Variants in LRP1B observed in about 807,000 individuals in gnomAD.
LRP1B encodes the protein low-density lipoprotein receptor-related protein 1B.
In LRP1B, 217 loss-of-function variants were observed where a neutral mutation model predicts 556.6. That is an observed-to-expected ratio of 0.39 (90% CI 0.35 to 0.44). The LOEUF (loss-of-function observed/expected upper bound fraction) is 0.44. Among genes scored for constraint, LRP1B ranks in the 20% least tolerant of loss-of-function variants. The probability of loss-of-function intolerance (pLI) is 1.00; values close to 1 mark genes in which losing one functional copy is unlikely to be tolerated. For synonymous variants in LRP1B, 2,047 were observed against 1,865.8 expected (o/e 1.10, Z -2.50); for missense variants, 5,053 against 5,620.8 (o/e 0.90, Z 3.23).
chr2:140,424,883 A>G (rs1685591592), intron 66 of LRP1B, among the ~76,000 whole-genome samples: 1 of 152,222 alleles, frequency 6.6e-6, no homozygotes, highest in African/African-American at 2.4e-5. Flanking sequence ...CACTTAACTA[A>G]TCTCCATTTT....
At position 140,364,755 on chromosome 2, in the gene LRP1B, G is replaced by A. The variant is rs747930780; in HGVS notation, c.11037C>T (p.Phe3679=). Residue 3679 remains phenylalanine, a synonymous_variant, in exon 72 of 91, where the codon TTC becomes TTT. Coordinates refer to ENST00000389484, the MANE Select transcript of LRP1B (RefSeq NM_018557.3). ...RGGNICRADE[F]LCNNSLCKLH... is the part of the protein sequence containing the mutation. ...GTTTGCAGAGAGAATTATTGCAAAG[G>A]AACTCATCAGCTCTACATATATTTC... is the stretch of plus-strand genomic sequence containing the variant. 1 of 1,609,820 alleles carries A rather than the reference G, an allele frequency of 6.2e-7. No homozygotes were observed. Among genetic ancestry groups the A allele is most frequent in the South Asian group, 1.1e-5 (1 of 90,920 alleles).
intron 52 of LRP1B, among the ~76,000 whole-genome samples, chr2:140,507,942 A>T (rs78016163): frequency 6.6e-6 from 1 of 152,158 alleles, no homozygotes; most frequent in African/African-American, 2.4e-5. Flanking sequence ...TACATTTCTT[A>T]TAAGGGCTAG....
chr2:141,305,804 C>A (rs1686566948), intron 3 of LRP1B, among the ~76,000 whole-genome samples: 1 of 152,092 alleles, frequency 6.6e-6, no homozygotes, highest in Non-Finnish European at 1.5e-5. Context: ...ATGAAGAAAT[C>A]TTGAATTTTA....
chr2:141,060,956 A>C (rs1356556473), intron 8 of LRP1B, among the ~76,000 whole-genome samples: 1 of 151,832 alleles, frequency 6.6e-6, no homozygotes, highest in Non-Finnish European at 1.5e-5. Context: ...AGGCTTTCAA[A>C]ACTTTTTAAA....
chr2:140,996,827 C>A (rs111786220), intron 15 of LRP1B, among the ~76,000 whole-genome samples: 7 of 151,846 alleles, frequency 4.6e-5, no homozygotes, highest in African/African-American at 1.7e-4. Flanking sequence ...GTAGACAGAA[C>A]GAAGAGAGTC....
At chr2:141,210,682 A>G (rs1390776063) in intron 6 of LRP1B, among the ~76,000 whole-genome samples, 1 of 152,178 alleles carries the variant, frequency 6.6e-6, no homozygotes, top group Admixed American at 6.5e-5. Context: ...ACAAGCAAAC[A>G]TAAGATTCCA....
At chr2:140,954,549 G>C (rs1485463002) in intron 18 of LRP1B, among the ~76,000 whole-genome samples, 1 of 151,802 alleles carries the variant, frequency 6.6e-6, no homozygotes, top group Non-Finnish European at 1.5e-5. Context: ...TTCATCGGTT[G>C]GGAAATTTTC....
intron 42 of LRP1B, 142 bp downstream of exon 42, chr2:140,601,307 TA>T (rs34284556): frequency 0.46 from 318,623 of 696,268 alleles, 70,618 homozygotes; most frequent in Middle Eastern, 0.56. Flanking sequence ...TGCTCTTACA[TA>T]AAAAAAAAAG....
At position 141,286,089 on chromosome 2, in the gene LRP1B, T is replaced by A. The variant is rs867772270; in HGVS notation, c.344-31448A>T. ...CTCAAAAAAAAAAAAAAAAAAAAAA[T>A]GTTCAATACCTTATAGTAGGCATGT... On this transcript the variant is annotated intron_variant, in intron 3 of 90. Coordinates refer to ENST00000389484, the MANE Select transcript of LRP1B (RefSeq NM_018557.3). 3.4e-3 allele frequency among the ~76,000 whole-genome samples: 387 copies of A among 112,450 alleles called. 3 individuals carry two copies. Among genetic ancestry groups the A allele is most frequent in the African/African-American group, 0.014 (355 of 25,392 alleles). The allele number at this position is 112,450 out of a possible 152,430, so 73.8% of individuals were successfully genotyped here. A position where few individuals can be genotyped will look rare whatever the true frequency, so the allele number is the denominator to read the frequency against.
chr2:140,252,798 A>T (rs1490714127), intron 86 of LRP1B, among the ~76,000 whole-genome samples: 1 of 152,078 alleles, frequency 6.6e-6, no homozygotes, highest in African/African-American at 2.4e-5. Context: ...CTTGAAATCA[A>T]CATCACATTT....
chr2:140,260,175 T>C (rs79068826), intron 86 of LRP1B, among the ~76,000 whole-genome samples: 4,621 of 152,028 alleles, frequency 0.03, 113 homozygotes, highest in East Asian at 0.13. Context: ...GAAGCAATAA[T>C]ATATATTATA....
At chr2:142,005,349 G>A (rs1049685135) in intron 1 of LRP1B, among the ~76,000 whole-genome samples, 2 of 151,788 alleles carry the variant, frequency 1.3e-5, no homozygotes, top group African/African-American at 2.4e-5. Context: ...ATAACATTCC[G>A]GGCATTTTCA....
At chr2:141,613,106 C>T (rs1688167788) in intron 2 of LRP1B, among the ~76,000 whole-genome samples, 1 of 152,166 alleles carries the variant, frequency 6.6e-6, no homozygotes, top group African/African-American at 2.4e-5. Context: ...CCGCACCTGG[C>T]CTGTTTTTGT....
rs184129152 is a variant in LRP1B at position 140,558,250 on chromosome 2, T to A, written c.7195-16279A>T. On this transcript the variant is annotated intron_variant, in intron 43 of 90. Coordinates refer to ENST00000389484, the MANE Select transcript of LRP1B (RefSeq NM_018557.3). ...CATAGTGTCTGTATGGCCGAACAAATCCGAGTTTACCCAAGTAAAATGAAA... is the reference window on the plus strand; with the variant it reads ...CATAGTGTCTGTATGGCCGAACAAAACCGAGTTTACCCAAGTAAAATGAAA... Among the ~76,000 whole-genome samples the A allele has an allele frequency of 2.2e-3, 336 of 152,152 alleles. 5 individuals carry two copies. Among genetic ancestry groups the A allele is most frequent in the African/African-American group, 7.2e-3 (299 of 41,516 alleles).
At chr2:141,414,086 A>T (rs992143157) in intron 3 of LRP1B, among the ~76,000 whole-genome samples, 18 of 151,750 alleles carry the variant, frequency 1.2e-4, no homozygotes, top group Admixed American at 6.6e-5. Flanking sequence ...AAATACAAAA[A>T]ATTAGCCGGG....
chr2:140,482,126 C>G (rs1453099214), intron 59 of LRP1B, among the ~76,000 whole-genome samples: 2 of 151,536 alleles, frequency 1.3e-5, no homozygotes, highest in East Asian at 3.9e-4. Flanking sequence ...CTGAAACATA[C>G]TTGAAGACAG....
chr2:141,354,388 A>G (rs1274992232), intron 3 of LRP1B, among the ~76,000 whole-genome samples: 1 of 152,014 alleles, frequency 6.6e-6, no homozygotes, highest in Non-Finnish European at 1.5e-5. Flanking sequence ...GCCCAAACCT[A>G]TATCCTTTAC....
At chr2:140,875,767 G>T (rs189180741) in intron 25 of LRP1B, among the ~76,000 whole-genome samples, 1 of 152,182 alleles carries the variant, frequency 6.6e-6, no homozygotes, top group African/African-American at 2.4e-5. Context: ...TTGTGAAATG[G>T]TGTTCAGTTT....
In LRP1B at chr2:140,967,021, T is replaced by C. The variant is rs190601957; in HGVS notation, c.2888-15081A>G. 3.3e-3 allele frequency among the ~76,000 whole-genome samples: 508 copies of C among 152,308 alleles called. 2 individuals carry two copies. Among genetic ancestry groups the C allele is most frequent in the African/African-American group, 0.011 (475 of 41,554 alleles). On this transcript the variant is annotated intron_variant, in intron 18 of 90. Transcript: ENST00000389484. ...TTTTGCCTTAGGATTGTCTTGGCAA[T>C]GAGGGCTCTTTTTTGGTTCCATATG... is the stretch of plus-strand genomic sequence containing the variant.
Sources: allele counts gnomAD v4.1 joint callset (sites outside exome capture counted in the v4.1 genomes callset), GRCh38; gene constraint gnomAD v4.1.1; transcripts MANE v1.5; gene names NCBI Gene and HGNC (gene_info 2026-07-23, HGNC 2026-07-21).